EXOC6B: variants seen among roughly 807,000 people sequenced by gnomAD.
The protein encoded by EXOC6B is exocyst complex component 6B.
EXOC6B carries 54 observed loss-of-function variants against 113.5 expected under a neutral mutation model. The ratio of observed to expected loss-of-function variants is 0.48; its 90% CI spans 0.38 to 0.60. The LOEUF (loss-of-function observed/expected upper bound fraction) is 0.60, where lower values mean the gene tolerates loss of function less well. EXOC6B is among the 20% of genes least tolerant of loss of function. The pLI is 0.00. For missense variants in EXOC6B, 797 were observed against 977.5 expected, an observed-to-expected ratio of 0.82 and a Z score of 2.46; for synonymous variants, 357 against 339.0, an observed-to-expected ratio of 1.05 and a Z score of -0.58.
intron 19 of EXOC6B, among the ~76,000 whole-genome samples, chr2:72,379,160 A>G (rs1479409845): frequency 1.3e-5 from 2 of 152,206 alleles, no homozygotes; most frequent in Non-Finnish European, 2.9e-5. Flanking sequence ...ATACCAAAGG[A>G]GGAGAAACAA....
intron 9 of EXOC6B, 149 bp from the exon 10 acceptor site, chr2:72,514,829 A>G: frequency 1.5e-6 from 1 of 654,572 alleles, no homozygotes; most frequent in South Asian, 2.1e-5. Flanking sequence ...AATGAAGAGG[A>G]AATATGACAG....
intron 20 of EXOC6B, among the ~76,000 whole-genome samples, chr2:72,245,611 C>A (rs1395898041): frequency 1.3e-5 from 2 of 152,096 alleles, no homozygotes. Context: ...CCTGAAAGGA[C>A]AAAACTATGA....
intron 20 of EXOC6B, among the ~76,000 whole-genome samples, chr2:72,229,843 T>A (rs1681492271): frequency 6.6e-6 from 1 of 152,180 alleles, no homozygotes; most frequent in African/African-American, 2.4e-5. Context: ...GCCTTAAAAT[T>A]TACACTGTTA....
At chr2:72,421,937 G>C (rs1240961191) in intron 18 of EXOC6B, among the ~76,000 whole-genome samples, 1 of 152,354 alleles carries the variant, frequency 6.6e-6, no homozygotes, top group Middle Eastern at 3.4e-3. Flanking sequence ...GGCCAGCCCT[G>C]CTGGCTCCAG....
intron 20 of EXOC6B, among the ~76,000 whole-genome samples, chr2:72,291,910 T>C (rs1429953673): frequency 6.6e-6 from 1 of 152,178 alleles, no homozygotes; most frequent in Non-Finnish European, 1.5e-5. Context: ...AAACGGATGG[T>C]TAATCTATTG....
chr2:72,491,281 C>T (rs1475319692), intron 16 of EXOC6B, among the ~76,000 whole-genome samples: 1 of 151,994 alleles, frequency 6.6e-6, no homozygotes, highest in African/African-American at 2.4e-5. Flanking sequence ...TTCCAATGTC[C>T]CATCTTATTT....
chr2:72,807,210 A>G (rs1685627811), intron 1 of EXOC6B, among the ~76,000 whole-genome samples: 1 of 152,140 alleles, frequency 6.6e-6, no homozygotes, highest in Non-Finnish European at 1.5e-5. Context: ...TGGTATAAGG[A>G]AGGAGTCCAG....
At chr2:72,215,992 C>T (rs1004069548) in intron 20 of EXOC6B, among the ~76,000 whole-genome samples, 11 of 151,554 alleles carry the variant, frequency 7.3e-5, no homozygotes, top group Admixed American at 6.6e-4. Context: ...AAAAACAAAC[C>T]AAAACAAAAA....
At chr2:72,524,580 C>T (rs1701667087) in intron 8 of EXOC6B, among the ~76,000 whole-genome samples, 1 of 152,006 alleles carries the variant, frequency 6.6e-6, no homozygotes, top group Admixed American at 6.5e-5. Context: ...TTTAAAAAAA[C>T]TTAACTGTAT....
intron 6 of EXOC6B, among the ~76,000 whole-genome samples, chr2:72,608,141 C>A (rs1219193971): frequency 6.6e-6 from 1 of 151,982 alleles, no homozygotes; most frequent in Non-Finnish European, 1.5e-5. Flanking sequence ...AATTCCTTCC[C>A]TGAACTCTTG....
In EXOC6B at chr2:72,718,097, A is replaced by T. The variant is rs1477266754; in HGVS notation, c.669+6T>A. ...CTGGCCAACCTATCATAAACCCAAGACCTACTTGCTTCATGGCAGTCTCTC... is the reference window on the plus strand; with the variant it reads ...CTGGCCAACCTATCATAAACCCAAGTCCTACTTGCTTCATGGCAGTCTCTC... On this transcript the variant is annotated splice_donor_region_variant and intron_variant, in intron 6 of 21. Transcript: ENST00000272427. 1 of 1,599,916 alleles carries T rather than the reference A, an allele frequency of 6.3e-7. No individual in the cohort carries two copies. The highest frequency in any genetic ancestry group is 8.5e-7 in the Non-Finnish European group (1 of 1,172,648).
Position 72,677,799 on chromosome 2 carries a change from G to A in EXOC6B, c.669+40304C>T, listed in dbSNP as rs1039916805. On this transcript the variant is annotated intron_variant, in intron 6 of 21. Transcript: ENST00000272427. The stretch of plus-strand genomic sequence containing the variant: ...ACATGAAGACATGTAGAAAATCCAA[G>A]CACATTTAGAACAGAATTGAAGTCT... Among the ~76,000 whole-genome samples the A allele has an allele frequency of 3.3e-5, 5 of 152,264 alleles. No homozygotes were observed. The East Asian group carries it at 7.7e-4, about 24-fold the overall frequency.
intron 8 of EXOC6B, among the ~76,000 whole-genome samples, chr2:72,519,939 C>T (rs930245793): frequency 2.0e-5 from 3 of 152,126 alleles, no homozygotes; most frequent in African/African-American, 7.2e-5. Context: ...AGGACATGGG[C>T]CATGAGGAAA....
chr2:72,461,415 T>C (rs945360716), intron 18 of EXOC6B: 2 of 151,504 alleles, frequency 1.3e-5, no homozygotes, highest in African/African-American at 2.4e-5. Context: ...GCTTGCACTG[T>C]ACATAATATA....
At chr2:72,807,101 TGTGTCCAGAACG>T (rs888687786) in intron 1 of EXOC6B, among the ~76,000 whole-genome samples, 1 of 152,204 alleles carries the variant, frequency 6.6e-6, no homozygotes, top group Non-Finnish European at 1.5e-5. Context: ...TGGCCGTGCC[TGTGTCCAGAACG>T]GTATTTCCTA....
intron 20 of EXOC6B, among the ~76,000 whole-genome samples, chr2:72,331,091 T>C (rs1688394960): frequency 6.6e-6 from 1 of 152,080 alleles, no homozygotes; most frequent in South Asian, 2.1e-4. Context: ...ATGGGGTAAT[T>C]TATTTTGTAG....
intron 1 of EXOC6B, among the ~76,000 whole-genome samples, chr2:72,775,793 A>G (rs539439162): frequency 6.6e-5 from 10 of 152,346 alleles, no homozygotes; most frequent in Non-Finnish European, 1.3e-4. Context: ...AAGGTACCAT[A>G]GCAATCATTA....
intron 6 of EXOC6B, among the ~76,000 whole-genome samples, chr2:72,710,323 T>G (rs1338523269): frequency 6.6e-6 from 1 of 152,180 alleles, no homozygotes; most frequent in Non-Finnish European, 1.5e-5. Context: ...ACTGATCTTT[T>G]AAATTTAATG....
chr2:72,389,468 A>T (rs1692239194), intron 18 of EXOC6B, among the ~76,000 whole-genome samples: 1 of 152,020 alleles, frequency 6.6e-6, no homozygotes, highest in South Asian at 2.1e-4. Context: ...TTTTTATCTT[A>T]ACTACATATT....
Sources: allele counts gnomAD v4.1 joint callset (sites outside exome capture counted in the v4.1 genomes callset), GRCh38; gene constraint gnomAD v4.1.1; transcripts MANE v1.5; gene names NCBI Gene and HGNC (gene_info 2026-07-23, HGNC 2026-07-21).